Variants in SUGCT observed in about 807,000 individuals in gnomAD.
The protein encoded by SUGCT is succinyl-CoA:glutarate-CoA transferase, also known as succinyl-CoA:glutarate CoA-transferase.
SUGCT carries 41 observed loss-of-function variants against 55.0 expected under a neutral mutation model. The observed-to-expected ratio is 0.74, with a 90% CI of 0.58 to 0.97. SUGCT has a LOEUF of 0.97. SUGCT is among the 50% of genes least tolerant of loss of function. The pLI is 0.00. For synonymous variants in SUGCT, 187 were observed against 200.4 expected (o/e 0.93, Z 0.56); for missense variants, 568 against 547.8 (o/e 1.04, Z -0.37).
chr7:41,033,507 G>C, the SUGCT span, among the ~76,000 whole-genome samples: 1 of 152,132 alleles, frequency 6.6e-6, no homozygotes, highest in African/African-American at 2.4e-5. Context: ...TCTTAGAATG[G>C]TGTCTTGAAA....
At chr7:40,157,293 T>G (rs902118960) in intron 1 of SUGCT, among the ~76,000 whole-genome samples, 1 of 152,124 alleles carries the variant, frequency 6.6e-6, no homozygotes, top group Non-Finnish European at 1.5e-5. Context: ...GTAGATTGCT[T>G]TCTTTCACTT....
At chr7:40,523,913 T>C (rs541165602) in intron 12 of SUGCT, among the ~76,000 whole-genome samples, 31 of 152,236 alleles carry the variant, frequency 2.0e-4, no homozygotes, top group African/African-American at 7.0e-4. Context: ...AAAACAAATG[T>C]TCTTGCTGAT....
chr7:40,449,455 AG>A lies in SUGCT; in HGVS notation c.888+98del. On this transcript the variant is annotated intron_variant, in intron 10 of 13. Transcript: ENST00000335693. Reference sequence around the variant, plus strand: ...ACAACCAACTTAGGCCCCCTGTGTTAGCAACTAAAAGTATAGGATATTCATG... The same window carrying A: ...ACAACCAACTTAGGCCCCCTGTGTTACAACTAAAAGTATAGGATATTCATG... The A allele has an allele frequency of 3.8e-6, 3 of 787,430 alleles. 1 individual carries two copies. In the South Asian group the frequency reaches 4.4e-5, roughly 12 times the overall value. The allele number at this position is 787,430 out of a possible 1,614,324, so 48.8% of individuals were successfully genotyped here. A position where few individuals can be genotyped will look rare whatever the true frequency, so the allele number is the denominator to read the frequency against.
chr7:40,304,017 C>G (rs1485205885), intron 8 of SUGCT, among the ~76,000 whole-genome samples: 1 of 140,860 alleles, frequency 7.1e-6, no homozygotes, highest in Non-Finnish European at 1.5e-5. Context: ...CCATTGCACT[C>G]TAGCTTGGGC....
the SUGCT span, among the ~76,000 whole-genome samples, chr7:40,890,322 AATATAAATATTAAT>A: frequency 0.066 from 9,541 of 143,506 alleles, 943 homozygotes; most frequent in African/African-American, 0.22. Flanking sequence ...TATGTTATAT[AATATAAATATTAAT>A]ATATAAATAT....
At chr7:40,400,089 C>T (rs1414888200) in intron 9 of SUGCT, among the ~76,000 whole-genome samples, 1 of 151,982 alleles carries the variant, frequency 6.6e-6, no homozygotes, top group African/African-American at 2.4e-5. Flanking sequence ...TAGATTTTAT[C>T]TATCAGACTG....
intron 12 of SUGCT, among the ~76,000 whole-genome samples, chr7:40,705,983 C>CT (rs879330574): frequency 6.6e-6 from 1 of 152,160 alleles, no homozygotes; most frequent in Non-Finnish European, 1.5e-5. Flanking sequence ...GAGAAAAACT[C>CT]TATCTGCTTC....
At chr7:41,008,246 T>C in the SUGCT span, among the ~76,000 whole-genome samples, 1 of 152,244 alleles carries the variant, frequency 6.6e-6, no homozygotes, top group Admixed American at 6.5e-5. Context: ...TCTAGGAGTT[T>C]CCATGCAAGT....
At chr7:40,685,027 A>T (rs960769730) in intron 12 of SUGCT, among the ~76,000 whole-genome samples, 8 of 151,008 alleles carry the variant, frequency 5.3e-5, no homozygotes, top group Admixed American at 1.3e-4. Context: ...TTTTATTTTT[A>T]TTTTTTTTCA....
chr7:41,025,004 A>G, the SUGCT span, among the ~76,000 whole-genome samples: 9 of 152,230 alleles, frequency 5.9e-5, no homozygotes, highest in African/African-American at 2.2e-4. Context: ...ATCTACATGT[A>G]TCAACATACA....
intron 6 of SUGCT, among the ~76,000 whole-genome samples, chr7:40,203,016 G>C (rs1418293386): frequency 6.6e-6 from 1 of 152,162 alleles, no homozygotes; most frequent in African/African-American, 2.4e-5. Flanking sequence ...AGGTGCTTAG[G>C]TAATTCCAAA....
intron 7 of SUGCT, among the ~76,000 whole-genome samples, chr7:40,268,093 A>G (rs1202690027): frequency 6.6e-6 from 1 of 152,212 alleles, no homozygotes; most frequent in East Asian, 1.9e-4. Flanking sequence ...TAAAAATACA[A>G]CAGCTTTATG....
At chr7:40,400,462 C>A (rs1476952138) in intron 9 of SUGCT, among the ~76,000 whole-genome samples, 1 of 152,152 alleles carries the variant, frequency 6.6e-6, no homozygotes, top group African/African-American at 2.4e-5. Flanking sequence ...ATAATGATTT[C>A]TTTCCCTTGG....
intron 13 of SUGCT, among the ~76,000 whole-genome samples, chr7:40,766,325 C>T (rs1352743428): frequency 6.6e-6 from 1 of 152,154 alleles, no homozygotes; most frequent in Non-Finnish European, 1.5e-5. Flanking sequence ...ATTCTCCCAC[C>T]TCAGCCTCCT....
At chr7:40,190,611 C>T (rs529960277) in intron 5 of SUGCT, among the ~76,000 whole-genome samples, 3 of 150,712 alleles carry the variant, frequency 2.0e-5, no homozygotes, top group South Asian at 2.1e-4. Context: ...AATGTGTAGA[C>T]GAGTGCTTGC....
intron 12 of SUGCT, among the ~76,000 whole-genome samples, chr7:40,516,603 C>G (rs994731096): frequency 6.6e-6 from 1 of 152,058 alleles, no homozygotes. Context: ...AAAGACTGCT[C>G]TTTCCCCATT....
chr7:40,163,301 G>T (rs1382786671), intron 1 of SUGCT, among the ~76,000 whole-genome samples: 1 of 151,950 alleles, frequency 6.6e-6, no homozygotes, highest in Non-Finnish European at 1.5e-5. Context: ...AATTTCTCAA[G>T]CTTTTATTAA....
chr7:40,448,338 A>G (rs572301395), intron 9 of SUGCT, among the ~76,000 whole-genome samples: 12 of 150,222 alleles, frequency 8.0e-5, no homozygotes, highest in Non-Finnish European at 1.3e-4. Flanking sequence ...TTTTTGCCTT[A>G]TAATGCTTTT....
chr7:40,457,064 C>CT lies in SUGCT; in HGVS notation c.889-2027dup, dbSNP rs377652459. Among the ~76,000 whole-genome samples the CT allele has an allele frequency of 2.6e-3, 380 of 148,020 alleles. 1 individual carries two copies. Among genetic ancestry groups the CT allele is most frequent in the Non-Finnish European group, 3.5e-3 (231 of 66,560 alleles). ...TCAGTTTATGGTGTTTTGTTATTTTCTTTTTTTTTTGTTTTTGCCAATGTC... is the reference window on the plus strand; with the variant it reads ...TCAGTTTATGGTGTTTTGTTATTTTCTTTTTTTTTTTGTTTTTGCCAATGTC... On this transcript the variant is annotated intron_variant, in intron 10 of 13. Transcript: ENST00000335693.
Sources: gnomAD v4.1 joint callset for allele counts (sites outside exome capture counted in the v4.1 genomes callset) on GRCh38, gnomAD v4.1.1 for gene constraint, MANE v1.5 for transcripts, NCBI Gene and HGNC (gene_info 2026-07-23, HGNC 2026-07-21) for gene names.